Variants in NUAK1 observed in about 807,000 individuals in gnomAD.
The protein encoded by NUAK1 is NUAK family SNF1-like kinase 1.
Under a neutral mutation model 56.9 loss-of-function variants are expected in NUAK1, and 26 were observed. The observed-to-expected ratio is 0.46, with a 90% confidence interval of 0.33 to 0.63. NUAK1 has a LOEUF of 0.63. NUAK1 is among the 30% of genes least tolerant of loss of function. The pLI is 0.02. For synonymous variants in NUAK1, 337 were observed against 336.0 expected, an observed-to-expected ratio of 1.00 and a Z score of -0.03; for missense variants, 727 against 876.1, an observed-to-expected ratio of 0.83 and a Z score of 2.15.
intron 4 of NUAK1, 151 bp from the exon 5 acceptor site, chr12:106,072,994 C>T: frequency 2.5e-6 from 2 of 791,716 alleles, no homozygotes; most frequent in Non-Finnish European, 4.1e-6. Context: ...AGCCCTGAGT[C>T]TTCATAAAGG....
rs185630040 is a variant in NUAK1 at position 106,126,069 on chromosome 12, G to A, written c.240+12345C>T. Among the ~76,000 whole-genome samples, 66 of 152,170 alleles carry A rather than the reference G, an allele frequency of 4.3e-4. 1 individual carries two copies. The highest frequency in any genetic ancestry group is 6.8e-3 in the Middle Eastern group (2 of 294). The stretch of plus-strand genomic sequence containing the variant: ...ACTGAGAAAGCCAAGGCTGCCTAAC[G>A]GATGTGTTTGATAGAAAGTAATAAA... On this transcript the variant is annotated intron_variant, in intron 1 of 6. Transcript: ENST00000261402.
chr12:106,083,150 A>G (rs2032536302), intron 4 of NUAK1, among the ~76,000 whole-genome samples: 1 of 152,144 alleles, frequency 6.6e-6, no homozygotes, highest in South Asian at 2.1e-4. Context: ...AGCACTTGCT[A>G]TTTCCCAACA....
chr12:106,097,857 G>A (rs1165444226), intron 2 of NUAK1, among the ~76,000 whole-genome samples: 1 of 152,152 alleles, frequency 6.6e-6, no homozygotes. Flanking sequence ...TTTGAGAACT[G>A]CTGCTCAAAT....
chr12:106,138,337 C>T lies in NUAK1; in HGVS notation c.240+77G>A, dbSNP rs2033149081. On this transcript the variant is annotated intron_variant, in intron 1 of 6. Coordinates refer to ENST00000261402, the MANE Select transcript of NUAK1 (RefSeq NM_014840.3). This position sits in a 1 kb window ranked among gnomAD's most constrained non-coding sequence, Gnocchi z 5.0. ...TCAAGAGAGCCCCAGGGCGCACAGA[C>T]CCCCGCCTCGCACGCCCTCAGTCCC... The T allele has an allele frequency of 9.3e-6, 14 of 1,511,056 alleles. No homozygotes were observed. The highest frequency in any genetic ancestry group is 1.2e-5 in the Non-Finnish European group (14 of 1,136,804). 93.6% of individuals were successfully genotyped at this position (1,511,056 alleles called of 1,614,324 possible).
intron 2 of NUAK1, among the ~76,000 whole-genome samples, chr12:106,093,887 C>T (rs1202081624): frequency 6.6e-6 from 1 of 152,184 alleles, no homozygotes; most frequent in Non-Finnish European, 1.5e-5. Flanking sequence ...CAACCTCCGC[C>T]TCCCAGGCTT....
chr12:106,137,767 T>C (rs2136488529), intron 1 of NUAK1, among the ~76,000 whole-genome samples: 1 of 152,370 alleles, frequency 6.6e-6, no homozygotes, highest in East Asian at 1.9e-4. Context: ...TAGCTACCCA[T>C]GCCCTGGACA....
intron 5 of NUAK1, among the ~76,000 whole-genome samples, chr12:106,071,310 C>T (rs567265722): frequency 2.6e-5 from 4 of 152,148 alleles, no homozygotes; most frequent in Admixed American, 2.6e-4. Context: ...AACTGGGATG[C>T]GGGGCTCTTC....
At chr12:106,077,386 G>A (rs557130575) in intron 4 of NUAK1, among the ~76,000 whole-genome samples, 2 of 152,318 alleles carry the variant, frequency 1.3e-5, no homozygotes, top group South Asian at 4.1e-4. Context: ...ACCAGCTGAC[G>A]CTATAAATTA....
At chr12:106,081,661 C>A (rs1221522249) in intron 4 of NUAK1, among the ~76,000 whole-genome samples, 1 of 152,160 alleles carries the variant, frequency 6.6e-6, no homozygotes, top group Non-Finnish European at 1.5e-5. Context: ...TTTCCCTGCA[C>A]AATTGCTTTC....
chr12:106,072,887 G>T (rs1315214594), intron 4 of NUAK1, 44 bp from the exon 5 acceptor site: 3 of 1,610,136 alleles, frequency 1.9e-6, no homozygotes, highest in Admixed American at 3.3e-5. Context: ...TAGCATTCCA[G>T]ATTATGTCTG....
intron 2 of NUAK1, chr12:106,106,109 C>A (rs2032797023): frequency 8.4e-6 from 2 of 238,666 alleles, no homozygotes; most frequent in East Asian, 8.4e-5. Context: ...TTTCAGAAAC[C>A]AGGGCTGTCT....
intron 1 of NUAK1, among the ~76,000 whole-genome samples, chr12:106,126,383 C>T (rs958048068): frequency 6.6e-6 from 1 of 152,198 alleles, no homozygotes; most frequent in African/African-American, 2.4e-5. Context: ...AGAGATATTT[C>T]TACTCTTTCT....
At chr12:106,070,935 G>T (rs755088910) in intron 5 of NUAK1, 29 bp from the exon 6 acceptor site, 4 of 1,613,424 alleles carry the variant, frequency 2.5e-6, no homozygotes, top group Non-Finnish European at 8.5e-7. Flanking sequence ...ACATATAGGA[G>T]AGCTGGGAAA....
At chr12:106,129,936 T>A (rs1207378732) in intron 1 of NUAK1, among the ~76,000 whole-genome samples, 1 of 152,124 alleles carries the variant, frequency 6.6e-6, no homozygotes, top group Non-Finnish European at 1.5e-5. Flanking sequence ...CCCAAGTCTG[T>A]CTGATTCGAC....
chr12:106,072,375 G>A (rs192638127), intron 5 of NUAK1, among the ~76,000 whole-genome samples: 77 of 152,242 alleles, frequency 5.1e-4, no homozygotes, highest in Admixed American at 7.8e-4. Context: ...ATATACATAC[G>A]TGTGTCACAT....
At chr12:106,135,021 C>T (rs1365677580) in intron 1 of NUAK1, among the ~76,000 whole-genome samples, 1 of 152,152 alleles carries the variant, frequency 6.6e-6, no homozygotes, top group Non-Finnish European at 1.5e-5. Context: ...GAAAAAAAAT[C>T]TGCTAAAAGG....
At chr12:106,100,625 A>AT (rs1405297862) in intron 2 of NUAK1, among the ~76,000 whole-genome samples, 15 of 152,230 alleles carry the variant, frequency 9.9e-5, no homozygotes, top group Non-Finnish European at 1.8e-4. Context: ...AGTGCCTAGA[A>AT]TAGGGCCTGG....
chr12:106,098,783 G>A (rs772443273), intron 2 of NUAK1, among the ~76,000 whole-genome samples: 93 of 152,304 alleles, frequency 6.1e-4, no homozygotes, highest in Non-Finnish European at 1.2e-3. Flanking sequence ...CTTTCAAAGG[G>A]GAAGTGGGGG....
At chr12:106,118,491 G>C (rs778497442) in intron 1 of NUAK1, among the ~76,000 whole-genome samples, 18 of 152,222 alleles carry the variant, frequency 1.2e-4, no homozygotes, top group Non-Finnish European at 7.3e-5. Flanking sequence ...TCAGATAGCA[G>C]ATTGCTCAAA....
Sources: gnomAD v4.1 joint callset for allele counts (sites outside exome capture counted in the v4.1 genomes callset) on GRCh38, gnomAD v4.1.1 for gene constraint, Gnocchi (gnomAD v3.1) non-coding constraint, MANE v1.5 for transcripts, NCBI Gene and HGNC (gene_info 2026-07-23, HGNC 2026-07-21) for gene names.